The following GRAMD4 variants were observed in gnomAD, a reference collection of about 807,000 sequenced individuals.
The protein encoded by GRAMD4 is GRAM domain-containing protein 4.
Under a neutral mutation model 83.9 loss-of-function variants are expected in GRAMD4, and 25 were observed. The ratio of observed to expected loss-of-function variants is 0.30; its 90% CI spans 0.22 to 0.42. The LOEUF (loss-of-function observed/expected upper bound fraction) is 0.42, where lower values mean the gene tolerates loss of function less well. Ranked by LOEUF, GRAMD4 falls within the 10% of genes least tolerant of loss-of-function variation. The probability of loss-of-function intolerance (pLI) is 1.00; values close to 1 mark genes in which losing one functional copy is unlikely to be tolerated. For missense variants in GRAMD4, 593 were observed against 788.7 expected (o/e 0.75, Z 2.97); for synonymous variants, 336 against 320.9 (o/e 1.05, Z -0.50).
chr22:46,591,851 A>AT (rs2081212293), intron 1 of GRAMD4, among the ~76,000 whole-genome samples: 1 of 149,416 alleles, frequency 6.7e-6, no homozygotes, highest in Non-Finnish European at 1.5e-5. Context: ...AAAAAAAAAA[A>AT]ACCCAGAAAG....
intron 1 of GRAMD4, among the ~76,000 whole-genome samples, chr22:46,589,335 G>A (rs5768998): frequency 0.48 from 59,016 of 123,294 alleles, 15,752 homozygotes; most frequent in African/African-American, 0.74. Flanking sequence ...CCCTGGGTGT[G>A]GGGGCAGCTC....
chr22:46,600,595 A>G (rs1266616729), intron 1 of GRAMD4, among the ~76,000 whole-genome samples: 2 of 152,174 alleles, frequency 1.3e-5, no homozygotes, highest in East Asian at 3.8e-4. Flanking sequence ...GTGCACAGGC[A>G]GGCATGGAGG....
chr22:46,581,077 C>G (rs576864234), intron 1 of GRAMD4, among the ~76,000 whole-genome samples: 1 of 151,970 alleles, frequency 6.6e-6, no homozygotes, highest in African/African-American at 2.4e-5. Flanking sequence ...GAGGCCTGGG[C>G]GGACACTTTG....
intron 3 of GRAMD4, among the ~76,000 whole-genome samples, chr22:46,643,184 C>CATTT (rs2082011752): frequency 2.8e-5 from 3 of 107,014 alleles, no homozygotes; most frequent in Admixed American, 9.2e-5. Context: ...TCCATCCATC[C>CATTT]ATCCATCCAT....
rs544002048 is a variant in GRAMD4, at chr22:46,673,896, C to T, written c.1384+82C>T. On this transcript the variant is annotated intron_variant, in intron 15 of 18. Coordinates refer to ENST00000406902, the MANE Select transcript of GRAMD4 (RefSeq NM_015124.5). ...TGAGGGGGGCGCTGTGGATGCAGGA[C>T]GGGGTCGCCCTGTGACAGGCCAGAG... The T allele has an allele frequency of 3.5e-4, 515 of 1,481,382 alleles. 1 individual carries two copies. The African/African-American group carries it at 5.9e-3, about 17-fold the overall frequency. 91.8% of individuals were successfully genotyped at this position (1,481,382 alleles called of 1,614,324 possible).
At chr22:46,585,952 G>A (rs1031955155) in intron 1 of GRAMD4, among the ~76,000 whole-genome samples, 2 of 152,200 alleles carry the variant, frequency 1.3e-5, no homozygotes, top group Non-Finnish European at 2.9e-5. Flanking sequence ...GTTCAGCCAC[G>A]TCTTGGGTGC....
chr22:46,648,441 ATGGATGGATGGATGAG>A (rs1288525700), intron 3 of GRAMD4, among the ~76,000 whole-genome samples: 1 of 149,324 alleles, frequency 6.7e-6, no homozygotes, highest in Non-Finnish European at 1.5e-5. Context: ...GGATGGATGG[ATGGATGGATGGATGAG>A]TGGATGGATG....
intron 2 of GRAMD4, among the ~76,000 whole-genome samples, chr22:46,634,291 C>T (rs1268537790): frequency 4.6e-5 from 7 of 152,098 alleles, no homozygotes; most frequent in Admixed American, 1.3e-4. Context: ...GCCTTGCAAC[C>T]GCTGTGGGCA....
chr22:46,627,842 C>T (rs371375114), intron 2 of GRAMD4, among the ~76,000 whole-genome samples: 2 of 152,232 alleles, frequency 1.3e-5, no homozygotes, highest in African/African-American at 2.4e-5. Flanking sequence ...CGACACTGCC[C>T]GATCAGGCAG....
chr22:46,653,149 C>G (rs1406225295), intron 3 of GRAMD4, among the ~76,000 whole-genome samples: 1 of 152,234 alleles, frequency 6.6e-6, no homozygotes, highest in Non-Finnish European at 1.5e-5. Flanking sequence ...GGTGGGAAGC[C>G]TCATGGCTCT....
chr22:46,677,815 G>C lies in GRAMD4; in HGVS notation c.*564G>C. The C allele has an allele frequency of 2.0e-6, 2 of 985,636 alleles. No individual in the cohort carries two copies. The highest frequency in any genetic ancestry group is 2.4e-6 in the Non-Finnish European group (2 of 830,106). 61.1% of individuals were successfully genotyped at this position (985,636 alleles called of 1,614,324 possible). ...AGACCCTCCTGTGGCATTTGCCCTT[G>C]GTGCCGGGCTGGGGCCGGGCGCAGT... On this transcript the variant is annotated 3_prime_UTR_variant, in exon 19 of 19. Transcript: ENST00000406902.
In GRAMD4 at chr22:46,588,733, C is replaced by T. The variant is rs183314794; in HGVS notation, c.-50+11443C>T. 9.2e-5 allele frequency among the ~76,000 whole-genome samples: 14 copies of T among 152,178 alleles called. No homozygotes were observed. In the East Asian group the frequency reaches 2.1e-3, roughly 23 times the overall value. On this transcript the variant is annotated intron_variant, in intron 1 of 1. Coordinates refer to the GRAMD4 transcript ENST00000431155. ...GCCCCAGCACCGCCCTCTCCATCCCCGGGGTCCTTAGGCTTCCCTGACACA... is the reference window on the plus strand; with the variant it reads ...GCCCCAGCACCGCCCTCTCCATCCCTGGGGTCCTTAGGCTTCCCTGACACA...
chr22:46,655,615 G>A (rs973996657), intron 3 of GRAMD4, among the ~76,000 whole-genome samples: 1 of 152,182 alleles, frequency 6.6e-6, no homozygotes, highest in Non-Finnish European at 1.5e-5. Flanking sequence ...AGAGAGGGCT[G>A]GGGGGTAGCT....
At chr22:46,585,234 A>AG (rs1332108303) in intron 1 of GRAMD4, among the ~76,000 whole-genome samples, 18 of 148,330 alleles carry the variant, frequency 1.2e-4, no homozygotes, top group African/African-American at 2.5e-5. Flanking sequence ...CTTGTTGCCC[A>AG]GGCTGGAGTG....
At position 46,628,560 on chromosome 22, in the gene GRAMD4, CG is replaced by C. The variant is rs1348548080; in HGVS notation, c.162+1600del. 2.5e-4 allele frequency among the ~76,000 whole-genome samples: 25 copies of C among 101,668 alleles called. 1 individual carries two copies. The highest frequency in any genetic ancestry group is 9.2e-4 in the African/African-American group (22 of 23,864). The allele number at this position is 101,668 out of a possible 152,430, so 66.7% of individuals were successfully genotyped here. On this transcript the variant is annotated intron_variant, in intron 2 of 18. Coordinates refer to ENST00000406902, the MANE Select transcript of GRAMD4 (RefSeq NM_015124.5). ...GAGGGGCAGGTGGACTGAGTGTGTG[CG>C]TGGTGTCTGAGGGGCAGGTGGACTG...
At position 46,622,294 on chromosome 22, in the gene GRAMD4, A is replaced by C. The variant is rs1331439753; in HGVS notation, c.-50+1729A>C. 1.3e-5 allele frequency among the ~76,000 whole-genome samples: 2 copies of C among 152,110 alleles called. No homozygotes were observed. The highest frequency in any genetic ancestry group is 4.8e-5 in the African/African-American group (2 of 41,420). On this transcript the variant is annotated intron_variant, in intron 1 of 18. Transcript: ENST00000406902. This position sits in a 1 kb window ranked among gnomAD's most constrained non-coding sequence, Gnocchi z 4.0. ...CGTGTCCCCTGCTTTCCTTGGGTGG[A>C]GGCCAGCTCGGTGCCCTACACAGGG...
intron 1 of GRAMD4, among the ~76,000 whole-genome samples, chr22:46,603,740 T>C (rs1248102642): frequency 6.6e-6 from 1 of 151,220 alleles, no homozygotes; most frequent in Non-Finnish European, 1.5e-5. Context: ...ATGGTCTCGA[T>C]CTCCTGACCT....
At chr22:46,580,409 C>T (rs570901214) in intron 1 of GRAMD4, among the ~76,000 whole-genome samples, 1 of 152,214 alleles carries the variant, frequency 6.6e-6, no homozygotes, top group Non-Finnish European at 1.5e-5. Flanking sequence ...CAGCAATGGT[C>T]CTGAAAAATA....
intron 3 of GRAMD4, among the ~76,000 whole-genome samples, chr22:46,648,767 C>CATGGATGGATGGATGGATGCATGG (rs2082113386): frequency 4.0e-5 from 1 of 24,762 alleles, no homozygotes; most frequent in Admixed American, 4.6e-4. Context: ...TGGATGGATG[C>CATGGATGGATGGATGGATGCATGG]ATGGATGGAT....
Sources: gnomAD v4.1 joint callset for allele counts (sites outside exome capture counted in the v4.1 genomes callset) on GRCh38, gnomAD v4.1.1 for gene constraint, Gnocchi (gnomAD v3.1) non-coding constraint, MANE v1.5 for transcripts, NCBI Gene and HGNC (gene_info 2026-07-23, HGNC 2026-07-21) for gene names.